GPR158: variants seen among roughly 807,000 people sequenced by gnomAD.
The protein encoded by GPR158 is G protein-coupled receptor 158, also known as metabotropic glycine receptor.
In GPR158, 30 loss-of-function variants were observed where a neutral mutation model predicts 78.2. The observed-to-expected ratio is 0.38, with a 90% CI of 0.29 to 0.52. The LOEUF is 0.52. Among genes scored for constraint, GPR158 ranks in the 20% least tolerant of loss-of-function variants. The probability of loss-of-function intolerance (pLI) is 0.83; values close to 1 mark genes in which losing one functional copy is unlikely to be tolerated. For missense variants in GPR158, 1,463 were observed against 1,523.5 expected, an observed-to-expected ratio of 0.96 and a Z score of 0.66; for synonymous variants, 581 against 591.1, an observed-to-expected ratio of 0.98 and a Z score of 0.25.
At chr10:25,268,704 G>T (rs1854075048) in intron 2 of GPR158, among the ~76,000 whole-genome samples, 1 of 152,170 alleles carries the variant, frequency 6.6e-6, no homozygotes, top group Non-Finnish European at 1.5e-5. Flanking sequence ...CCACATGGAA[G>T]TGGAGTCAGA....
chr10:25,461,465 T>C (rs1835358010), intron 4 of GPR158, among the ~76,000 whole-genome samples: 1 of 152,138 alleles, frequency 6.6e-6, no homozygotes, highest in Non-Finnish European at 1.5e-5. Context: ...GGCCTAACTC[T>C]CTTCAATTCT....
chr10:25,289,335 TGACA>T (rs1854399947), intron 2 of GPR158, among the ~76,000 whole-genome samples: 2 of 152,206 alleles, frequency 1.3e-5, no homozygotes, highest in Non-Finnish European at 2.9e-5. Context: ...GAGGCAGACC[TGACA>T]GACTCAGGAT....
At chr10:25,566,456 A>G (rs949869512) in intron 6 of GPR158, among the ~76,000 whole-genome samples, 3 of 152,142 alleles carry the variant, frequency 2.0e-5, no homozygotes, top group South Asian at 2.1e-4. Flanking sequence ...TCTCATAACC[A>G]TCTAAGATTC....
intron 1 of GPR158, among the ~76,000 whole-genome samples, chr10:25,187,292 A>G (rs1852702406): frequency 6.6e-6 from 1 of 151,920 alleles, no homozygotes; most frequent in African/African-American, 2.4e-5. Flanking sequence ...TGAGGCCAGC[A>G]TCATCCTGAT....
At chr10:25,308,849 C>T (rs887374202) in intron 2 of GPR158, among the ~76,000 whole-genome samples, 1 of 152,110 alleles carries the variant, frequency 6.6e-6, no homozygotes, top group African/African-American at 2.4e-5. Context: ...ACAATGTCCT[C>T]GAGATTCATC....
At chr10:25,517,310 T>C (rs1017540416) in intron 5 of GPR158, among the ~76,000 whole-genome samples, 8 of 151,930 alleles carry the variant, frequency 5.3e-5, no homozygotes, top group African/African-American at 1.9e-4. Flanking sequence ...AATCATGTCG[T>C]CTGCAAACAG....
chr10:25,340,773 C>T (rs1278650798), intron 2 of GPR158, among the ~76,000 whole-genome samples: 1 of 151,888 alleles, frequency 6.6e-6, no homozygotes, highest in African/African-American at 2.4e-5. Flanking sequence ...CGAGGTCCTA[C>T]AGGAAGAGCA....
intron 7 of GPR158, among the ~76,000 whole-genome samples, chr10:25,576,571 C>T (rs998941947): frequency 9.2e-5 from 14 of 152,092 alleles, no homozygotes; most frequent in East Asian, 5.8e-4. Flanking sequence ...AGAGTAATGA[C>T]GACCCTGAGA....
chr10:25,423,016 C>T (rs1224560236), intron 4 of GPR158, among the ~76,000 whole-genome samples: 2 of 151,942 alleles, frequency 1.3e-5, no homozygotes, highest in East Asian at 1.9e-4. Context: ...ATCCAGGTTG[C>T]TGCGAATGCC....
At chr10:25,422,577 C>G (rs918453422) in intron 4 of GPR158, among the ~76,000 whole-genome samples, 3 of 147,676 alleles carry the variant, frequency 2.0e-5, no homozygotes, top group Non-Finnish European at 4.5e-5. Flanking sequence ...CATCTGAATG[C>G]TTTTTGACTT....
intron 2 of GPR158, among the ~76,000 whole-genome samples, chr10:25,265,540 G>C (rs189353368): frequency 6.6e-6 from 1 of 152,212 alleles, no homozygotes; most frequent in East Asian, 1.9e-4. Flanking sequence ...CCTTAATATG[G>C]TAAGATACTA....
chr10:25,474,706 G>T (rs1835557410), intron 5 of GPR158, among the ~76,000 whole-genome samples: 1 of 152,076 alleles, frequency 6.6e-6, no homozygotes, highest in Admixed American at 6.6e-5. Flanking sequence ...GCAGCAATTA[G>T]CCCAGTGCCT....
At chr10:25,370,012 T>C (rs1404607528) in intron 2 of GPR158, among the ~76,000 whole-genome samples, 1 of 145,412 alleles carries the variant, frequency 6.9e-6, no homozygotes, top group African/African-American at 2.5e-5. Context: ...TCGGTGGTGA[T>C]ATCCCCTTTA....
intron 1 of GPR158, among the ~76,000 whole-genome samples, chr10:25,191,103 C>T (rs1564387154): frequency 1.3e-5 from 2 of 152,152 alleles, no homozygotes; most frequent in African/African-American, 4.8e-5. Flanking sequence ...TCTGTCTTTC[C>T]ATGTTTATGA....
chr10:25,557,838 C>A (rs943851679), intron 6 of GPR158, among the ~76,000 whole-genome samples: 1 of 152,128 alleles, frequency 6.6e-6, no homozygotes, highest in Non-Finnish European at 1.5e-5. Flanking sequence ...AAAGCAAAAT[C>A]ATTTTAATGG....
At chr10:25,440,573 G>A (rs995502504) in intron 4 of GPR158, among the ~76,000 whole-genome samples, 2 of 152,126 alleles carry the variant, frequency 1.3e-5, no homozygotes, top group Non-Finnish European at 1.5e-5. Context: ...CAGAAATAAC[G>A]TTCTTACTGA....
At chr10:25,284,654 G>A (rs1378058011) in intron 2 of GPR158, among the ~76,000 whole-genome samples, 1 of 151,660 alleles carries the variant, frequency 6.6e-6, no homozygotes, top group East Asian at 1.9e-4. Context: ...AAAATATAAT[G>A]TCTTGCTATG....
At position 25,176,189 on chromosome 10, in the gene GPR158, G is replaced by T. The variant is rs1467179493; in HGVS notation, c.769G>T (p.Gly257Cys). The change falls in exon 1 of 11, where the codon GGC (glycine) becomes TGC (cysteine). Residue 257 changes from glycine to cysteine, a missense_variant. By Grantham distance (159) the Gly-to-Cys change is radical. Coordinates refer to ENST00000376351, the MANE Select transcript of GPR158 (RefSeq NM_020752.3). The surrounding 1 kb of genome is among the most constrained non-coding windows in gnomAD (Gnocchi z 6.3). ...CAGCTGGCGGCGCAAGGACGGGCTC[G>T]GCGGGGACAAGAGCCACTTCAAGTG... ...GHSWRRKDGL[G>C]GDKSHFKWSP... is the part of the protein sequence containing the mutation. 6.3e-7 allele frequency: 1 copy of T among 1,579,032 alleles called. No individual in the cohort carries two copies. Among genetic ancestry groups the T allele is most frequent in the East Asian group, 2.3e-5 (1 of 43,810 alleles).
intron 2 of GPR158, among the ~76,000 whole-genome samples, chr10:25,393,218 G>T (rs749235200): frequency 9.2e-5 from 14 of 152,138 alleles, no homozygotes; most frequent in Non-Finnish European, 1.9e-4. Flanking sequence ...TAAACTTTCA[G>T]ATCTTCCATA....
Sources: allele counts gnomAD v4.1 joint callset (sites outside exome capture counted in the v4.1 genomes callset), GRCh38; gene constraint gnomAD v4.1.1; non-coding constraint Gnocchi (gnomAD v3.1); transcripts MANE v1.5; gene names NCBI Gene and HGNC (gene_info 2026-07-23, HGNC 2026-07-21).